The following MAP2K1 variants were observed in gnomAD, a reference collection of about 807,000 sequenced individuals.
MAP2K1 encodes the protein dual specificity mitogen-activated protein kinase kinase 1.
MAP2K1 carries 16 observed loss-of-function variants against 46.3 expected under a neutral mutation model. That is an observed-to-expected ratio of 0.35 (90% CI 0.23 to 0.52). The LOEUF (loss-of-function observed/expected upper bound fraction) is 0.52. Among genes scored for constraint, MAP2K1 ranks in the 20% least tolerant of loss-of-function variants. MAP2K1 has a pLI of 0.94. For missense variants in MAP2K1, 263 were observed against 497.1 expected (o/e 0.53, Z 4.48); for synonymous variants, 183 against 185.6 (o/e 0.99, Z 0.11).
chr15:66,420,548 G>A (rs996355311), intron 1 of MAP2K1, among the ~76,000 whole-genome samples: 2 of 150,364 alleles, frequency 1.3e-5, no homozygotes, highest in Non-Finnish European at 3.0e-5. Flanking sequence ...GTAACACCCT[G>A]TCTCAAAAAT....
intron 1 of MAP2K1, among the ~76,000 whole-genome samples, chr15:66,393,814 C>G (rs1049012263): frequency 2.0e-5 from 3 of 152,202 alleles, no homozygotes; most frequent in Non-Finnish European, 2.9e-5. Context: ...AAGCTTGTCT[C>G]TCAAATACCG....
chr15:66,426,188 AG>A (rs2093458186), intron 1 of MAP2K1, among the ~76,000 whole-genome samples: 1 of 150,630 alleles, frequency 6.6e-6, no homozygotes, highest in African/African-American at 2.4e-5. Context: ...ACGAAAGCAA[AG>A]GGATAAAAGA....
intron 1 of MAP2K1, among the ~76,000 whole-genome samples, chr15:66,424,122 G>C (rs1255523934): frequency 6.6e-6 from 1 of 150,694 alleles, no homozygotes; most frequent in Non-Finnish European, 1.5e-5. Flanking sequence ...CAATGGTACT[G>C]TCTTGGCTCA....
chr15:66,468,569 TTC>T (rs1892524626), intron 5 of MAP2K1, among the ~76,000 whole-genome samples: 1 of 152,086 alleles, frequency 6.6e-6, no homozygotes, highest in Non-Finnish European at 1.5e-5. Context: ...GATCTCTGAG[TTC>T]TGAGTAGAGC....
chr15:66,388,398 C>G (rs1299163945), intron 1 of MAP2K1, among the ~76,000 whole-genome samples: 1 of 152,034 alleles, frequency 6.6e-6, no homozygotes, highest in Admixed American at 6.6e-5. Context: ...TGTTGTTTGC[C>G]CAACCTTCAA....
At position 66,471,937 on chromosome 15, in the gene MAP2K1, C is replaced by T. The variant is rs578202110; in HGVS notation, c.569-9818C>T. Among the ~76,000 whole-genome samples the T allele has an allele frequency of 3.4e-4, 52 of 151,710 alleles. No homozygotes were observed. The South Asian group carries it at 6.7e-3, about 19-fold the overall frequency. On this transcript the variant is annotated intron_variant, in intron 5 of 10. Coordinates refer to ENST00000307102, the MANE Select transcript of MAP2K1 (RefSeq NM_002755.4). Reference sequence around the variant, plus strand: ...ACTAAAAATACAAAAATTAGCTAGGCGTGGTGGCAGGTGCCTGTAGTCCCA... The same window carrying T: ...ACTAAAAATACAAAAATTAGCTAGGTGTGGTGGCAGGTGCCTGTAGTCCCA...
intron 1 of MAP2K1, among the ~76,000 whole-genome samples, chr15:66,391,705 CTT>C (rs1201854103): frequency 1.3e-5 from 2 of 152,122 alleles, no homozygotes; most frequent in South Asian, 2.1e-4. Flanking sequence ...TTTAATAAAC[CTT>C]TTTATGTCTT....
intron 1 of MAP2K1, among the ~76,000 whole-genome samples, chr15:66,420,763 G>GTGTATATATATA (rs2093437203): frequency 2.3e-5 from 1 of 43,656 alleles, no homozygotes; most frequent in Non-Finnish European, 5.2e-5. Context: ...GTGTGTGTAT[G>GTGTATATATATA]TGTGTATATA....
At chr15:66,463,307 G>A (rs965928316) in intron 5 of MAP2K1, among the ~76,000 whole-genome samples, 5 of 152,222 alleles carry the variant, frequency 3.3e-5, no homozygotes, top group African/African-American at 1.2e-4. Flanking sequence ...AACACGAAGG[G>A]AACATATATG....
chr15:66,396,279 G>C (rs763937987), intron 1 of MAP2K1, among the ~76,000 whole-genome samples: 3 of 151,408 alleles, frequency 2.0e-5, no homozygotes, highest in African/African-American at 7.3e-5. Flanking sequence ...CACCGTGCCC[G>C]GCCCTTTTGT....
chr15:66,484,680 G>A (rs1381184727), intron 6 of MAP2K1, among the ~76,000 whole-genome samples: 3 of 149,522 alleles, frequency 2.0e-5, no homozygotes, highest in Admixed American at 6.6e-5. Flanking sequence ...GTGCAAGACT[G>A]TGGCCAAGCT....
intron 5 of MAP2K1, among the ~76,000 whole-genome samples, chr15:66,470,091 C>CTTTTTTTTTTT (rs1567021186): frequency 1.8e-4 from 10 of 55,668 alleles, no homozygotes; most frequent in Non-Finnish European, 3.5e-4. Context: ...ACTTTTTTTT[C>CTTTTTTTTTTT]TTGTTTTTTT....
At chr15:66,413,748 T>C (rs974750704) in intron 1 of MAP2K1, among the ~76,000 whole-genome samples, 1 of 152,196 alleles carries the variant, frequency 6.6e-6, no homozygotes, top group African/African-American at 2.4e-5. Flanking sequence ...TTGTGACACA[T>C]GCTCTAACTC....
intron 1 of MAP2K1, among the ~76,000 whole-genome samples, chr15:66,429,680 T>TCCCCCCCCCCCCCCCCCA (rs1567007438): frequency 3.1e-5 from 1 of 31,920 alleles, no homozygotes; most frequent in Admixed American, 4.8e-4. Context: ...CCCCCCCCCG[T>TCCCCCCCCCCCCCCCCCA]CCCCCCCAAC....
intron 5 of MAP2K1, among the ~76,000 whole-genome samples, chr15:66,474,877 C>T (rs886800314): frequency 2.7e-5 from 4 of 150,392 alleles, no homozygotes; most frequent in African/African-American, 9.8e-5. Flanking sequence ...GCACGCTAGC[C>T]TGGGTGACAG....
chr15:66,438,974 C>T lies in MAP2K1; in HGVS notation c.438+2082C>T, dbSNP rs1034699512. Among the ~76,000 whole-genome samples, 4 of 152,250 alleles carry T rather than the reference C, an allele frequency of 2.6e-5. No homozygotes were observed. The East Asian group carries it at 5.8e-4, about 22-fold the overall frequency. On this transcript the variant is annotated intron_variant, in intron 3 of 10. Transcript: ENST00000307102. ...GGTAGTGAAGAGGCTCAGGTGCTGC[C>T]GGAGCGTCTAGATGGGACCATGTAG...
chr15:66,421,061 T>TAC (rs542133130), intron 1 of MAP2K1, among the ~76,000 whole-genome samples: 2 of 140,948 alleles, frequency 1.4e-5, no homozygotes, highest in Non-Finnish European at 3.1e-5. Flanking sequence ...TGTACACACA[T>TAC]ACACACACAC....
chr15:66,477,837 C>T (rs550080290), intron 5 of MAP2K1, among the ~76,000 whole-genome samples: 5 of 152,234 alleles, frequency 3.3e-5, no homozygotes, highest in East Asian at 1.9e-4. Context: ...CCCCAGCAGG[C>T]GCTGTCACAC....
chr15:66,441,073 C>T (rs2093502323), intron 3 of MAP2K1, among the ~76,000 whole-genome samples: 1 of 152,114 alleles, frequency 6.6e-6, no homozygotes, highest in Non-Finnish European at 1.5e-5. Flanking sequence ...AGCAGTCCTC[C>T]CGCCTTAGCC....
Sources: allele counts gnomAD v4.1 joint callset (sites outside exome capture counted in the v4.1 genomes callset), GRCh38; gene constraint gnomAD v4.1.1; transcripts MANE v1.5; gene names NCBI Gene and HGNC (gene_info 2026-07-23, HGNC 2026-07-21).